Variants in ZNF175 observed in about 807,000 individuals in gnomAD.
ZNF175 encodes the protein zinc finger protein OTK18.
ZNF175 carries 8 observed loss-of-function variants against 14.0 expected under a neutral mutation model. That is an observed-to-expected ratio of 0.57 (90% CI 0.34 to 1.03). The LOEUF (loss-of-function observed/expected upper bound fraction) is 1.03. ZNF175 is among the 50% of genes least tolerant of loss of function. ZNF175 has a pLI of 0.03. For missense variants in ZNF175, 764 were observed against 849.5 expected (o/e 0.90, Z 1.25); for synonymous variants, 255 against 296.8 (o/e 0.86, Z 1.45).
intron 2 of ZNF175, among the ~76,000 whole-genome samples, chr19:51,575,476 C>T (rs1430607773): frequency 6.6e-6 from 1 of 152,088 alleles, no homozygotes; most frequent in African/African-American, 2.4e-5. Context: ...CTCAGTGTCC[C>T]AAGAGAGTTC....
At chr19:51,585,231 A>G (rs142348147) in intron 4 of ZNF175, among the ~76,000 whole-genome samples, 3 of 152,304 alleles carry the variant, frequency 2.0e-5, no homozygotes, top group Non-Finnish European at 4.4e-5. Context: ...AAAAATCCAA[A>G]TGTATCATTC....
In ZNF175 at chr19:51,588,553, T is replaced by A; in HGVS notation, c.*86T>A. 7.1e-7 allele frequency: 1 copy of A among 1,409,434 alleles called. No homozygotes were observed. Among genetic ancestry groups the A allele is most frequent in the Non-Finnish European group, 9.4e-7 (1 of 1,064,694 alleles). The allele number at this position is 1,409,434 out of a possible 1,614,324, so 87.3% of individuals were successfully genotyped here. ...AAATCTTCTCAGAATCAGGTCTAAT[T>A]ATATGTTATTGAATTCATGCTTCAG... On this transcript the variant is annotated 3_prime_UTR_variant, in exon 5 of 5. Transcript: ENST00000262259.
intron 2 of ZNF175, among the ~76,000 whole-genome samples, chr19:51,577,663 C>CTTTTTT (rs35533410): frequency 1.6e-5 from 2 of 127,258 alleles, no homozygotes; most frequent in Non-Finnish European, 1.6e-5. Flanking sequence ...CTTTCTCTCT[C>CTTTTTT]TTTTTTTTTT....
At chr19:51,586,531 T>A (rs1294373822) in intron 4 of ZNF175, 96 bp from the exon 5 acceptor site, 2 of 1,240,318 alleles carry the variant, frequency 1.6e-6, no homozygotes, top group South Asian at 1.6e-5. Context: ...ATTACATGAC[T>A]CAGCAATTTC....
In ZNF175 at chr19:51,588,259, A is replaced by G. The variant is rs772650619; in HGVS notation, c.1928A>G (p.Tyr643Cys). The G allele has an allele frequency of 4.3e-6, 7 of 1,613,972 alleles. No individual in the cohort carries two copies. The highest frequency in any genetic ancestry group is 2.2e-5 in the South Asian group (2 of 91,046). ...AGAACTCACATGGGAGAGAAACCCT[A>G]TGAATGCCTTGACTGTGGGAAATCG... is the stretch of plus-strand genomic sequence containing the variant. ...HQRTHMGEKP[Y>C]ECLDCGKSFS... The change falls in exon 5 of 5, where the codon TAT (tyrosine) becomes TGT (cysteine). Residue 643 changes from tyrosine to cysteine, a missense_variant. Coordinates refer to ENST00000262259, the MANE Select transcript of ZNF175 (RefSeq NM_007147.4).
chr19:51,573,803 T>G (rs1466909016), intron 2 of ZNF175: 6 of 306,276 alleles, frequency 2.0e-5, no homozygotes, highest in Non-Finnish European at 2.4e-5. Context: ...TTTCCTCTGT[T>G]CTCATAAGGT....
chr19:51,586,471 G>T (rs4507016), intron 4 of ZNF175, among the ~76,000 whole-genome samples, 156 bp from the exon 5 acceptor site: 1 of 152,090 alleles, frequency 6.6e-6, no homozygotes, highest in Non-Finnish European at 1.5e-5. Context: ...TGCTCATCAT[G>T]TAATAAGGGC....
At chr19:51,573,766 T>A (rs1448963319) in intron 2 of ZNF175, 4 of 364,722 alleles carry the variant, frequency 1.1e-5, no homozygotes, top group Non-Finnish European at 1.4e-5. Context: ...CCAAATTCCT[T>A]GCTTGGTCCA....
In ZNF175 at chr19:51,587,500, T is replaced by C; in HGVS notation, c.1169T>C (p.Leu390Pro). 1 of 1,614,164 alleles carries C rather than the reference T, an allele frequency of 6.2e-7. No individual in the cohort carries two copies. The highest frequency in any genetic ancestry group is 8.5e-7 in the Non-Finnish European group (1 of 1,180,016). Residue 390 changes from leucine (L) to proline (P), a missense_variant, in exon 5 of 5, where the codon CTC becomes CCC. Leu to Pro is a moderately conservative substitution (Grantham distance 98, BLOSUM62 -3). Coordinates refer to ENST00000262259, the MANE Select transcript of ZNF175 (RefSeq NM_007147.4). The stretch of plus-strand genomic sequence containing the variant: ...CAGAGAACTCACAGTAGAGAAAAAC[T>C]CTATGAATGCAGTGAATGTGGCAAA... ...RHQRTHSREKLYECSECGKGF... is the reference protein window; with the variant it reads ...RHQRTHSREKPYECSECGKGF...
chr19:51,584,249 A>G (rs566126085), intron 4 of ZNF175, among the ~76,000 whole-genome samples: 1 of 152,334 alleles, frequency 6.6e-6, no homozygotes, highest in Admixed American at 6.5e-5. Flanking sequence ...GTGGAGTGAC[A>G]TTGGGAATTA....
At chr19:51,579,663 A>C (rs1465653598) in intron 2 of ZNF175, among the ~76,000 whole-genome samples, 1 of 152,212 alleles carries the variant, frequency 6.6e-6, no homozygotes, top group African/African-American at 2.4e-5. Flanking sequence ...TGGTAAGCAT[A>C]TAAATTGGTA....
intron 4 of ZNF175, among the ~76,000 whole-genome samples, chr19:51,583,044 G>A (rs1051897690): frequency 6.6e-6 from 1 of 151,960 alleles, no homozygotes; most frequent in East Asian, 1.9e-4. Context: ...TAGTAGAGAC[G>A]GGGTTTCTCC....
rs1357422035 is a variant in ZNF175 at position 51,587,126 on chromosome 19, G to A, written c.795G>A (p.Gln265=). The stretch of plus-strand genomic sequence containing the variant: ...GTAGAAAAGTCTGTGGCCATAAACA[G>A]TCACTCAAGCAACATCAAATTCATA... The part of the protein sequence containing the change: ...NQCRKVCGHK[Q]SLKQHQIHTQ... The change falls in exon 5 of 5, where the codon CAG becomes CAA. Residue 265 remains glutamine, a synonymous_variant. Coordinates refer to ENST00000262259, the MANE Select transcript of ZNF175 (RefSeq NM_007147.4). The A allele has an allele frequency of 4.3e-6, 7 of 1,614,168 alleles. No individual in the cohort carries two copies. Among genetic ancestry groups the A allele is most frequent in the Non-Finnish European group, 5.1e-6 (6 of 1,180,018 alleles).
In ZNF175 at chr19:51,592,135, G is replaced by T. The variant is rs1010055436; in HGVS notation, c.*3668G>T. The T allele has an allele frequency of 6.3e-6, 1 of 157,984 alleles. No individual in the cohort carries two copies. The highest frequency in any genetic ancestry group is 2.4e-5 in the African/African-American group (1 of 41,426). The allele number at this position is 157,984 out of a possible 1,614,324, so 9.8% of individuals were successfully genotyped here. ...GAAAACATACTGCCCAGAGTCCCCT[G>T]CCCCCACCCCCAAAACCAGTACTTG... On this transcript the variant is annotated 3_prime_UTR_variant, in exon 5 of 5. Coordinates refer to ENST00000262259, the MANE Select transcript of ZNF175 (RefSeq NM_007147.4).
At chr19:51,574,324 C>T (rs142466768) in intron 2 of ZNF175, 4 of 152,256 alleles carry the variant, frequency 2.6e-5, no homozygotes, top group South Asian at 4.1e-4. Context: ...ATAAATTGCA[C>T]ATATAAATCA....
chr19:51,582,403 T>G (rs148948567), intron 4 of ZNF175, among the ~76,000 whole-genome samples: 1 of 152,064 alleles, frequency 6.6e-6, no homozygotes, highest in African/African-American at 2.4e-5. Flanking sequence ...GTTCAAGTGA[T>G]TCTCCTGCCT....
In ZNF175 at chr19:51,572,205, G is replaced by A. The variant is rs529568613; in HGVS notation, c.-181+730G>A. ...CTGGGAAACATTTCTTGGCTATCAG[G>A]GCAGTAAAGATTTCAGAAGCCTGTG... On this transcript the variant is annotated intron_variant, in intron 1 of 4. Coordinates refer to ENST00000262259, the MANE Select transcript of ZNF175 (RefSeq NM_007147.4). Among the ~76,000 whole-genome samples, 14 of 152,298 alleles carry A rather than the reference G, an allele frequency of 9.2e-5. No individual in the cohort carries two copies. The South Asian group carries it at 1.9e-3, about 20-fold the overall frequency.
chr19:51,589,583 C>A lies in ZNF175; in HGVS notation c.*1116C>A, dbSNP rs1284489663. 7 of 702,140 alleles carry A rather than the reference C, an allele frequency of 1.0e-5. No individual in the cohort carries two copies. The highest frequency in any genetic ancestry group is 2.6e-6 in the Non-Finnish European group (1 of 384,768). 43.5% of individuals were successfully genotyped at this position (702,140 alleles called of 1,614,324 possible). A position where few individuals can be genotyped will look rare whatever the true frequency, so the allele number is the denominator to read the frequency against. ...GCTTGCCCCCCCTTTCCATCTCCACCATCTATAGTGAGCCTCTCCATAATT... is the reference window on the plus strand; with the variant it reads ...GCTTGCCCCCCCTTTCCATCTCCACAATCTATAGTGAGCCTCTCCATAATT... On this transcript the variant is annotated 3_prime_UTR_variant, in exon 5 of 5. Transcript: ENST00000262259.
Position 51,586,948 on chromosome 19 carries a change from A to G in ZNF175, c.617A>G (p.Lys206Arg), listed in dbSNP as rs745901502. The G allele has an allele frequency of 1.5e-5, 25 of 1,614,096 alleles. No homozygotes were observed. The highest frequency in any genetic ancestry group is 2.0e-5 in the Non-Finnish European group (24 of 1,180,036). Residue 206 changes from lysine (K) to arginine (R), a missense_variant, in exon 5 of 5, where the codon AAG (lysine) becomes AGG (arginine). Coordinates refer to ENST00000262259, the MANE Select transcript of ZNF175 (RefSeq NM_007147.4). ...TGTTGCTTATTTACAGAAAGTTTGA[A>G]GCTGAACCTAGAAGTGAACGGTCAG... ...QKCCLFTESL[K>R]LNLEVNGQNE... is the part of the protein sequence containing the mutation.
Sources: allele counts gnomAD v4.1 joint callset (sites outside exome capture counted in the v4.1 genomes callset), GRCh38; gene constraint gnomAD v4.1.1; transcripts MANE v1.5; gene names NCBI Gene and HGNC (gene_info 2026-07-23, HGNC 2026-07-21).